The following LPIN1 variants were observed in gnomAD, a reference collection of about 807,000 sequenced individuals.
The protein encoded by LPIN1 is phosphatidate phosphatase LPIN1.
Under a neutral mutation model 107.5 loss-of-function variants are expected in LPIN1, and 71 were observed. The ratio of observed to expected loss-of-function variants is 0.66; its 90% CI spans 0.55 to 0.80. LPIN1 has a LOEUF of 0.80. Ranked by LOEUF, LPIN1 falls within the 30% of genes least tolerant of loss-of-function variation. The pLI is 0.00. For synonymous variants in LPIN1, 445 were observed against 452.6 expected (o/e 0.98, Z 0.21); for missense variants, 1,043 against 1,160.6 (o/e 0.90, Z 1.47).
chr2:11,711,914 G>A (rs1224068242), intron 1 of LPIN1, among the ~76,000 whole-genome samples: 2 of 152,140 alleles, frequency 1.3e-5, no homozygotes, highest in African/African-American at 2.4e-5. Context: ...AGAGCCTCAG[G>A]TTTTCTGTAG....
intron 1 of LPIN1, among the ~76,000 whole-genome samples, chr2:11,737,358 G>T (rs1665891152): frequency 6.6e-6 from 1 of 152,056 alleles, no homozygotes; most frequent in Admixed American, 6.5e-5. Flanking sequence ...CAAAAGCAAT[G>T]GCAACAAAAG....
At chr2:11,804,878 T>C (rs562410094) in intron 16 of LPIN1, among the ~76,000 whole-genome samples, 192 bp from the exon 17 acceptor site, 1 of 152,246 alleles carries the variant, frequency 6.6e-6, no homozygotes, top group East Asian at 1.9e-4. Flanking sequence ...ATGATCAGAC[T>C]GGAGGCGTCC....
At chr2:11,812,132 G>A (rs558587175) in intron 17 of LPIN1, among the ~76,000 whole-genome samples, 59 of 152,162 alleles carry the variant, frequency 3.9e-4, no homozygotes, top group Middle Eastern at 6.8e-3. Context: ...AGCAATTTTC[G>A]AAACAAATCC....
chr2:11,824,148 G>A (rs138632253), intron 20 of LPIN1, among the ~76,000 whole-genome samples: 4 of 151,950 alleles, frequency 2.6e-5, no homozygotes, highest in South Asian at 2.1e-4. Context: ...ATTTGCCCAC[G>A]ATCACGCAGC....
At chr2:11,788,767 G>T (rs936862339) in intron 12 of LPIN1, among the ~76,000 whole-genome samples, 1 of 152,224 alleles carries the variant, frequency 6.6e-6, no homozygotes, top group East Asian at 1.9e-4. Flanking sequence ...TCAGAGCCCA[G>T]TGAGGACAAA....
chr2:11,799,932 C>A (rs922690799), intron 14 of LPIN1, among the ~76,000 whole-genome samples: 2 of 152,186 alleles, frequency 1.3e-5, no homozygotes, highest in African/African-American at 2.4e-5. Flanking sequence ...TCAGGATCAG[C>A]CCCCAATGTC....
chr2:11,819,363 A>G lies in LPIN1; in HGVS notation c.2403-121A>G, dbSNP rs570347929. ...CTGGGATGTCTCAGCTGCCTGACAC[A>G]CACTAAACTTTTGAAGATTTGAGTT... is the stretch of plus-strand genomic sequence containing the variant. On this transcript the variant is annotated intron_variant, in intron 18 of 20. Transcript: ENST00000674199. The G allele has an allele frequency of 5.3e-5, 39 of 731,870 alleles. No individual in the cohort carries two copies. In the East Asian group the frequency reaches 9.7e-4, roughly 18 times the overall value. 45.3% of individuals were successfully genotyped at this position (731,870 alleles called of 1,614,324 possible). A position where few individuals can be genotyped will look rare whatever the true frequency, so the allele number is the denominator to read the frequency against.
At chr2:11,785,185 G>A (rs1674335926) in intron 10 of LPIN1, 109 bp downstream of exon 10, 2 of 793,070 alleles carry the variant, frequency 2.5e-6, no homozygotes, top group Admixed American at 2.9e-5. Flanking sequence ...CTTGGTTGCG[G>A]TTAATGATAG....
chr2:11,774,771 A>C lies in LPIN1; in HGVS notation c.722+1026A>C, dbSNP rs781247509. Among the ~76,000 whole-genome samples, 1 of 152,096 alleles carries C rather than the reference A, an allele frequency of 6.6e-6. No homozygotes were observed. Among genetic ancestry groups the C allele is most frequent in the Non-Finnish European group, 1.5e-5 (1 of 67,998 alleles). On this transcript the variant is annotated intron_variant, in intron 5 of 20. Transcript: ENST00000674199. This position sits in a 1 kb window ranked among gnomAD's most constrained non-coding sequence, Gnocchi z 4.4. ...GTGCTGACATGGAGGTTGGAGAGAAAATAGATATGTCCCATGCCTGGTTTC... is the reference window on the plus strand; with the variant it reads ...GTGCTGACATGGAGGTTGGAGAGAACATAGATATGTCCCATGCCTGGTTTC...
At chr2:11,737,134 A>C (rs1010147028) in intron 1 of LPIN1, among the ~76,000 whole-genome samples, 2 of 152,244 alleles carry the variant, frequency 1.3e-5, no homozygotes, top group Non-Finnish European at 2.9e-5. Context: ...AGCAATGGGG[A>C]AAGGATTCCC....
At chr2:11,773,938 T>TC (rs1672272912) in intron 5 of LPIN1, among the ~76,000 whole-genome samples, 193 bp downstream of exon 5, 1 of 152,216 alleles carries the variant, frequency 6.6e-6, no homozygotes, top group African/African-American at 2.4e-5. Flanking sequence ...ATATCTGGTG[T>TC]CAGAATCCAT....
chr2:11,758,268 T>G (rs1371080003), intron 1 of LPIN1, among the ~76,000 whole-genome samples: 1 of 152,160 alleles, frequency 6.6e-6, no homozygotes, highest in Non-Finnish European at 1.5e-5. Context: ...TCAGTTTTTT[T>G]TTTTGATATA....
intron 1 of LPIN1, among the ~76,000 whole-genome samples, chr2:11,701,879 T>A (rs1422492849): frequency 6.6e-6 from 1 of 152,184 alleles, no homozygotes; most frequent in Non-Finnish European, 1.5e-5. Flanking sequence ...AGTGTCTGTT[T>A]GGTTTGGTCC....
intron 6 of LPIN1, among the ~76,000 whole-genome samples, chr2:11,776,493 T>G (rs1251437648): frequency 6.6e-6 from 1 of 152,124 alleles, no homozygotes; most frequent in Non-Finnish European, 1.5e-5. Context: ...AGCATATAAT[T>G]TTACCTAATT....
At chr2:11,804,946 T>C in intron 16 of LPIN1, 124 bp from the exon 17 acceptor site, 1 of 722,826 alleles carries the variant, frequency 1.4e-6, no homozygotes, top group Non-Finnish European at 2.4e-6. Flanking sequence ...AGCCTTGGGC[T>C]TTCTATCCAG....
chr2:11,679,875 C>A (rs1053238604), intron 1 of LPIN1, among the ~76,000 whole-genome samples: 1 of 152,234 alleles, frequency 6.6e-6, no homozygotes, highest in Non-Finnish European at 1.5e-5. Flanking sequence ...TCTGAAGGGG[C>A]CTGGTGGCCT....
chr2:11,677,952 T>C (rs1442176035), intron 1 of LPIN1, among the ~76,000 whole-genome samples: 1 of 152,250 alleles, frequency 6.6e-6, no homozygotes, highest in Non-Finnish European at 1.5e-5. Context: ...CTGTAGAACT[T>C]ATTCAAGAAT....
Position 11,782,335 on chromosome 2 carries a change from G to A in LPIN1, c.1092G>A (p.Gly364=). 1 of 1,614,170 alleles carries A rather than the reference G, an allele frequency of 6.2e-7. No individual in the cohort carries two copies. The part of the protein sequence containing the change: ...FSDQSPTLVG[G]ALLDQNKPQT... ...ACCAATCGCCAACTCTGGTCGGTGG[G>A]GCACTTTTGGACCAGAACAAGCCTC... Residue 364 remains glycine (G), a synonymous_variant, in exon 8 of 21, where the codon GGG becomes GGA. Coordinates refer to ENST00000674199, the MANE Select transcript of LPIN1 (RefSeq NM_001349206.2).
chr2:11,809,352 G>A (rs144333415), intron 17 of LPIN1, among the ~76,000 whole-genome samples: 1 of 152,258 alleles, frequency 6.6e-6, no homozygotes, highest in East Asian at 1.9e-4. Context: ...GCTCCGCTGG[G>A]GTCTAGGTAT....
Sources: allele counts gnomAD v4.1 joint callset (sites outside exome capture counted in the v4.1 genomes callset), GRCh38; gene constraint gnomAD v4.1.1; non-coding constraint Gnocchi (gnomAD v3.1); transcripts MANE v1.5; gene names NCBI Gene and HGNC (gene_info 2026-07-23, HGNC 2026-07-21).